The following ADCY2 variants were observed in gnomAD, a reference collection of about 807,000 sequenced individuals.
The protein encoded by ADCY2 is adenylate cyclase type 2.
ADCY2 carries 31 observed loss-of-function variants against 125.2 expected under a neutral mutation model. That is an observed-to-expected ratio of 0.25 (90% CI 0.19 to 0.33). The LOEUF (loss-of-function observed/expected upper bound fraction) is 0.33, where lower values mean the gene tolerates loss of function less well. Among genes scored for constraint, ADCY2 ranks in the 10% least tolerant of loss-of-function variants. The pLI, the probability that ADCY2 is intolerant of heterozygous loss-of-function variation, is 1.00. For missense variants in ADCY2, 904 were observed against 1,418.2 expected, an observed-to-expected ratio of 0.64 and a Z score of 5.82; for synonymous variants, 512 against 548.4, an observed-to-expected ratio of 0.93 and a Z score of 0.93.
chr5:7,649,299 T>C (rs1739003244), intron 4 of ADCY2, among the ~76,000 whole-genome samples: 1 of 152,236 alleles, frequency 6.6e-6, no homozygotes, highest in Admixed American at 6.5e-5. Context: ...TCTCTGGACA[T>C]TGCATTTATT....
At chr5:7,436,580 T>G (rs1450467541) in intron 2 of ADCY2, among the ~76,000 whole-genome samples, 2 of 152,204 alleles carry the variant, frequency 1.3e-5, no homozygotes, top group Non-Finnish European at 2.9e-5. Context: ...AATTTCAGGA[T>G]TAAAATTCTG....
At chr5:7,553,563 G>A (rs1047335849) in intron 3 of ADCY2, among the ~76,000 whole-genome samples, 3 of 152,198 alleles carry the variant, frequency 2.0e-5, no homozygotes, top group African/African-American at 7.2e-5. Flanking sequence ...CTTCCAGATG[G>A]TCTTAAATTA....
chr5:7,721,618 T>G (rs1028691487), intron 12 of ADCY2, among the ~76,000 whole-genome samples: 1 of 152,244 alleles, frequency 6.6e-6, no homozygotes, highest in Non-Finnish European at 1.5e-5. Context: ...TACGTATAGC[T>G]AGCCAGTTTT....
At chr5:7,510,323 G>A (rs533925365) in intron 2 of ADCY2, among the ~76,000 whole-genome samples, 2 of 152,302 alleles carry the variant, frequency 1.3e-5, no homozygotes, top group South Asian at 4.1e-4. Flanking sequence ...TGGCAGAGCT[G>A]AATGAATGAT....
intron 4 of ADCY2, among the ~76,000 whole-genome samples, chr5:7,646,403 T>C (rs1738898575): frequency 1.3e-5 from 2 of 151,798 alleles, no homozygotes; most frequent in Admixed American, 1.3e-4. Context: ...TCACAGTAAA[T>C]GCTTTACTTT....
At position 7,396,451 on chromosome 5, in the gene ADCY2, T is replaced by C; in HGVS notation, c.155T>C (p.Leu52Pro). 1 of 1,578,262 alleles carries C rather than the reference T, an allele frequency of 6.3e-7. No homozygotes were observed. The highest frequency in any genetic ancestry group is 8.6e-7 in the Non-Finnish European group (1 of 1,162,654). The change falls in exon 1 of 25, where the codon CTC becomes CCC. Residue 52 changes from leucine to proline, a missense_variant. Physicochemically the swap from Leu to Pro is moderately conservative, Grantham distance 98 (BLOSUM62 -3). Transcript: ENST00000338316. The surrounding 1 kb of genome is among the most constrained non-coding windows in gnomAD (Gnocchi z 5.7). ...QQHPLIVFLL[L>P]IVMGSCLALL... ...CACCCGCTCATCGTCTTCCTGCTGC[T>C]CATCGTCATGGGCTCCTGCCTCGCC...
In ADCY2 at chr5:7,596,275, TCC is replaced by T. The variant is rs34326417; in HGVS notation, c.571-29883_571-29882del. Reference sequence around the variant, plus strand: ...ATACCCAAATGCCCGATCCAAAAACTCCCCCCCCCCACCAGTTAGCTCTGGGG... The same window carrying T: ...ATACCCAAATGCCCGATCCAAAAACTCCCCCCCCACCAGTTAGCTCTGGGG... On this transcript the variant is annotated intron_variant, in intron 3 of 24. Transcript: ENST00000338316. Among the ~76,000 whole-genome samples the T allele has an allele frequency of 4.7e-5, 7 of 147,380 alleles. No individual in the cohort carries two copies. In the South Asian group the frequency reaches 8.9e-4, roughly 19 times the overall value.
chr5:7,501,141 A>AT (rs1743551061), intron 2 of ADCY2, among the ~76,000 whole-genome samples: 2 of 151,714 alleles, frequency 1.3e-5, no homozygotes, highest in South Asian at 4.2e-4. Context: ...TAAAAAAAAA[A>AT]AAAAAGGTCT....
intron 19 of ADCY2, among the ~76,000 whole-genome samples, chr5:7,785,336 A>G (rs973508356): frequency 6.6e-6 from 1 of 152,188 alleles, no homozygotes; most frequent in Non-Finnish European, 1.5e-5. Flanking sequence ...TCAGGCCAGC[A>G]GTCCGGGACA....
At chr5:7,685,985 T>A (rs1344575097) in intron 4 of ADCY2, among the ~76,000 whole-genome samples, 1 of 152,214 alleles carries the variant, frequency 6.6e-6, no homozygotes, top group African/African-American at 2.4e-5. Context: ...TTTATCCCAT[T>A]GATTTAGCAT....
At chr5:7,429,859 CAAATT>C (rs1335892208) in intron 2 of ADCY2, among the ~76,000 whole-genome samples, 1 of 151,810 alleles carries the variant, frequency 6.6e-6, no homozygotes, top group African/African-American at 2.4e-5. Context: ...AAATGGAAGA[CAAATT>C]AAAAGGAACA....
At chr5:7,814,360 G>A (rs1371769889) in intron 22 of ADCY2, among the ~76,000 whole-genome samples, 1 of 151,446 alleles carries the variant, frequency 6.6e-6, no homozygotes, top group East Asian at 2.0e-4. Context: ...CCGGAGCATT[G>A]TTATTGTCAA....
chr5:7,648,223 A>G (rs1738967571), intron 4 of ADCY2, among the ~76,000 whole-genome samples: 1 of 151,428 alleles, frequency 6.6e-6, no homozygotes, highest in South Asian at 2.1e-4. Context: ...GAATCCTTTC[A>G]CTCCTTCCTA....
chr5:7,713,059 A>G (rs1185012981), intron 11 of ADCY2, among the ~76,000 whole-genome samples, 160 bp downstream of exon 11: 1 of 152,174 alleles, frequency 6.6e-6, no homozygotes, highest in Non-Finnish European at 1.5e-5. Context: ...AAATAGAATC[A>G]TTGGGGTCTT....
intron 14 of ADCY2, among the ~76,000 whole-genome samples, chr5:7,728,614 C>A (rs1236340454): frequency 2.0e-5 from 3 of 152,100 alleles, no homozygotes; most frequent in Non-Finnish European, 4.4e-5. Context: ...AAACAGCCAT[C>A]CCAGTACACA....
chr5:7,543,159 A>G (rs1288471516), intron 3 of ADCY2, among the ~76,000 whole-genome samples: 1 of 152,236 alleles, frequency 6.6e-6, no homozygotes, highest in African/African-American at 2.4e-5. Context: ...ATAGATATAT[A>G]CAAACACATA....
At chr5:7,766,561 C>T (rs150513113) in intron 16 of ADCY2, 126 bp from the exon 17 acceptor site, 13 of 893,902 alleles carry the variant, frequency 1.5e-5, no homozygotes, top group Non-Finnish European at 2.2e-5. Context: ...ATAGAAATTC[C>T]CGAGTCCACA....
chr5:7,491,264 T>G (rs1458452803), intron 2 of ADCY2, among the ~76,000 whole-genome samples: 1 of 152,180 alleles, frequency 6.6e-6, no homozygotes, highest in Non-Finnish European at 1.5e-5. Flanking sequence ...TGATTTTTTT[T>G]TTTTTGAGAC....
chr5:7,502,420 G>A (rs1343156437), intron 2 of ADCY2, among the ~76,000 whole-genome samples: 1 of 152,080 alleles, frequency 6.6e-6, no homozygotes, highest in African/African-American at 2.4e-5. Flanking sequence ...ATCTCACACT[G>A]CCTTCCTCAC....
Sources: allele counts gnomAD v4.1 joint callset (sites outside exome capture counted in the v4.1 genomes callset), GRCh38; gene constraint gnomAD v4.1.1; non-coding constraint Gnocchi (gnomAD v3.1); transcripts MANE v1.5; gene names NCBI Gene and HGNC (gene_info 2026-07-23, HGNC 2026-07-21).